Variants in PAK3 observed in about 807,000 individuals in gnomAD.
PAK3 encodes serine/threonine-protein kinase PAK 3.
In PAK3, 4 loss-of-function variants were observed where a neutral mutation model predicts 41.0. The observed-to-expected ratio is 0.10, with a 90% CI of 0.05 to 0.22. PAK3 has a LOEUF of 0.22. PAK3 is among the 10% of genes least tolerant of loss of function. The pLI is 1.00. For synonymous variants in PAK3, 146 were observed against 139.6 expected, an observed-to-expected ratio of 1.05 and a Z score of -0.32; for missense variants, 205 against 409.9, an observed-to-expected ratio of 0.50 and a Z score of 4.32.
chrX:111,211,164 C>T (rs753120875), intron 16 of PAK3, among the ~76,000 whole-genome samples: 5 of 110,090 alleles, frequency 4.5e-5, no homozygotes, highest in Admixed American at 9.7e-5. Context: ...ATGTGTGTGG[C>T]GGGGCGGGAG....
chrX:111,202,290 T>C (rs1485190301), intron 16 of PAK3, among the ~76,000 whole-genome samples: 1 of 111,845 alleles, frequency 8.9e-6, no homozygotes, highest in African/African-American at 3.2e-5. Context: ...AATTTGTTCA[T>C]AAAATGCCTT....
intron 3 of PAK3, among the ~76,000 whole-genome samples, chrX:111,100,729 A>G (rs1370418318): frequency 1.8e-5 from 2 of 110,414 alleles, no homozygotes; most frequent in African/African-American, 6.6e-5. Context: ...GCTTCCACCT[A>G]CCCCCACCGC....
At chrX:111,027,510 C>A (rs2092287552) in intron 1 of PAK3, among the ~76,000 whole-genome samples, 1 of 111,671 alleles carries the variant, frequency 9.0e-6, no homozygotes. Context: ...GGGCTAAGGA[C>A]ACGAATAGAC....
At chrX:111,090,308 T>C (rs887849658) in intron 1 of PAK3, among the ~76,000 whole-genome samples, 2 of 111,419 alleles carry the variant, frequency 1.8e-5, no homozygotes, top group African/African-American at 3.3e-5. Flanking sequence ...TTAGCTTTAC[T>C]GGAGGGTTGC....
intron 1 of PAK3, among the ~76,000 whole-genome samples, chrX:111,019,337 T>C (rs2092137750): frequency 9.1e-6 from 1 of 110,093 alleles, no homozygotes; most frequent in South Asian, 3.9e-4. Context: ...GCAAATCCTA[T>C]ATCTGGTAAG....
chrX:111,105,191 TATTG>T (rs2093231114), intron 4 of PAK3, among the ~76,000 whole-genome samples: 1 of 111,499 alleles, frequency 9.0e-6, no homozygotes, highest in African/African-American at 3.3e-5. Context: ...CACATTTTCA[TATTG>T]ATGCACACAA....
chrX:111,076,061 G>A, intron 1 of PAK3, among the ~76,000 whole-genome samples: 1 of 112,335 alleles, frequency 8.9e-6, no homozygotes, highest in Non-Finnish European at 1.9e-5. Context: ...CCTTGGGAGT[G>A]AATAAGTTGT....
intron 1 of PAK3, among the ~76,000 whole-genome samples, chrX:111,083,308 T>C (rs775869896): frequency 1.8e-5 from 2 of 112,458 alleles, no homozygotes; most frequent in South Asian, 7.5e-4. Flanking sequence ...CTGGTTTCAG[T>C]TGGCTCACAT....
At position 111,196,643 on chromosome X, in the gene PAK3, A is replaced by G. The variant is rs1372942782; in HGVS notation, c.1407+3A>G. 1.7e-6 allele frequency: 2 copies of G among 1,145,644 alleles called. No individual in the cohort carries two copies. The highest frequency in any genetic ancestry group is 3.6e-5 in the South Asian group (2 of 55,498). 94.4% of individuals were successfully genotyped at this position (1,145,644 alleles called of 1,213,427 possible). Reference sequence around the variant, plus strand: ...ACCTTAATGAAAATCCACTCAGGGTAAGTCAGAAGAGAAGTCAGGTACTTT... The same window carrying G: ...ACCTTAATGAAAATCCACTCAGGGTGAGTCAGAAGAGAAGTCAGGTACTTT... On this transcript the variant is annotated splice_donor_region_variant and intron_variant, in intron 16 of 17. Coordinates refer to ENST00000372007, the MANE Select transcript of PAK3 (RefSeq NM_002578.5).
chrX:111,036,315 C>G (rs1161686210), intron 1 of PAK3, among the ~76,000 whole-genome samples: 1 of 112,426 alleles, frequency 8.9e-6, no homozygotes, highest in Non-Finnish European at 1.9e-5. Flanking sequence ...GCCTTTTATG[C>G]TTTGTATTAG....
At chrX:111,151,396 G>A (rs944733713) in intron 7 of PAK3, among the ~76,000 whole-genome samples, 9 of 112,270 alleles carry the variant, frequency 8.0e-5, no homozygotes, top group African/African-American at 2.3e-4. Flanking sequence ...CAACTGTACA[G>A]TTGTACTGTA....
chrX:110,960,991 C>T (rs894381591), intron 1 of PAK3, among the ~76,000 whole-genome samples: 49 of 111,443 alleles, frequency 4.4e-4, no homozygotes, highest in African/African-American at 1.5e-3. Context: ...CAGCAATTCT[C>T]ATGTGTCAAT....
At chrX:111,135,797 G>C (rs1418447272) in intron 5 of PAK3, among the ~76,000 whole-genome samples, 1 of 111,492 alleles carries the variant, frequency 9.0e-6, no homozygotes, top group African/African-American at 3.3e-5. Context: ...AGGAAATCTA[G>C]ATTACCTTTT....
chrX:111,059,465 C>T (rs1212763112), intron 1 of PAK3, among the ~76,000 whole-genome samples: 1 of 111,570 alleles, frequency 9.0e-6, no homozygotes. Context: ...AGCCACTGCA[C>T]CTAGTTAAAA....
chrX:111,005,756 A>G (rs1044050720), intron 1 of PAK3, among the ~76,000 whole-genome samples: 1 of 111,936 alleles, frequency 8.9e-6, no homozygotes, highest in African/African-American at 3.3e-5. Context: ...TGTCAGGCTT[A>G]GCTTTGTCGA....
chrX:111,187,469 A>G (rs908675135), intron 11 of PAK3, among the ~76,000 whole-genome samples: 2 of 111,536 alleles, frequency 1.8e-5, no homozygotes, highest in African/African-American at 6.5e-5. Context: ...AAGAAACTAA[A>G]TTACTTACCC....
At chrX:110,996,406 C>A (rs1460428032) in intron 1 of PAK3, among the ~76,000 whole-genome samples, 2 of 112,100 alleles carry the variant, frequency 1.8e-5, no homozygotes, top group Admixed American at 1.9e-4. Flanking sequence ...AGGAGGCAGA[C>A]AATAAACAAG....
intron 1 of PAK3, among the ~76,000 whole-genome samples, chrX:110,999,963 G>C (rs541961822): frequency 2.7e-5 from 3 of 111,544 alleles, no homozygotes; most frequent in African/African-American, 9.8e-5. Context: ...GTGAGACTCT[G>C]TCTCAAAAAT....
intron 1 of PAK3, among the ~76,000 whole-genome samples, chrX:111,010,846 C>T (rs948424878): frequency 3.6e-5 from 4 of 112,041 alleles, no homozygotes; most frequent in African/African-American, 1.3e-4. Flanking sequence ...GTCTAGCGCA[C>T]TAGCCAACTT....
Sources: allele counts gnomAD v4.1 joint callset (sites outside exome capture counted in the v4.1 genomes callset), GRCh38; gene constraint gnomAD v4.1.1; transcripts MANE v1.5; gene names NCBI Gene and HGNC (gene_info 2026-07-23, HGNC 2026-07-21).